FAT3: variants seen among roughly 807,000 people sequenced by gnomAD.
FAT3 encodes FAT atypical cadherin 3, also known as protocadherin Fat 3.
A neutral mutation model predicts 310.2 loss-of-function variants in FAT3; 95 were observed. The observed-to-expected ratio is 0.31, with a 90% CI of 0.26 to 0.36. FAT3 has a LOEUF of 0.36. Among genes scored for constraint, FAT3 ranks in the 10% least tolerant of loss-of-function variants. The pLI is 1.00. For missense variants in FAT3, 5,408 were observed against 5,715.6 expected (o/e 0.95, Z 1.74); for synonymous variants, 2,314 against 2,192.9 (o/e 1.06, Z -1.54).
At chr11:92,470,276 A>C (rs536048422) in intron 2 of FAT3, among the ~76,000 whole-genome samples, 25 of 152,318 alleles carry the variant, frequency 1.6e-4, no homozygotes, top group African/African-American at 5.5e-4. Context: ...ATTCTAGTGG[A>C]CTAGGCCATC....
At chr11:92,268,534 AC>A (rs1255858595) in intron 1 of FAT3, among the ~76,000 whole-genome samples, 2 of 152,020 alleles carry the variant, frequency 1.3e-5, no homozygotes, top group African/African-American at 2.4e-5. Flanking sequence ...TTCAAAATTA[AC>A]CCCCAACCTT....
intron 3 of FAT3, among the ~76,000 whole-genome samples, chr11:92,582,139 G>A (rs1938838025): frequency 6.6e-6 from 1 of 151,892 alleles, no homozygotes; most frequent in Non-Finnish European, 1.5e-5. Context: ...GAGTATAACA[G>A]TGAGGACAAC....
At position 92,314,360 on chromosome 11, in the gene FAT3, A is replaced by G. The variant is rs191902890; in HGVS notation, c.-17-37736A>G. ...AATTTGATAATTTTTACATTTGTAA[A>G]AAAACATATGAAGCCCCTCATTGCA... On this transcript the variant is annotated intron_variant, in intron 1 of 27. Coordinates refer to ENST00000525166, the MANE Select transcript of FAT3 (RefSeq NM_001367949.2). 7 of 868,042 alleles carry G rather than the reference A, an allele frequency of 8.1e-6. No individual in the cohort carries two copies. The Admixed American group carries it at 4.3e-4, about 54-fold the overall frequency. The allele number at this position is 868,042 out of a possible 1,614,324, so 53.8% of individuals were successfully genotyped here.
At chr11:92,609,292 A>G (rs996987811) in intron 3 of FAT3, among the ~76,000 whole-genome samples, 2 of 152,186 alleles carry the variant, frequency 1.3e-5, no homozygotes, top group African/African-American at 4.8e-5. Flanking sequence ...AAGTGCTTAC[A>G]GAGGCTCAAA....
chr11:92,882,588 C>CCG, intron 23 of FAT3, 150 bp from the exon 24 acceptor site: 1 of 523,300 alleles, frequency 1.9e-6, no homozygotes, highest in South Asian at 3.0e-5. Context: ...CTCCCCCTCC[C>CCG]CCCCCCCACC....
At chr11:92,296,359 A>T (rs992164353) in intron 1 of FAT3, among the ~76,000 whole-genome samples, 1 of 152,108 alleles carries the variant, frequency 6.6e-6, no homozygotes, top group Non-Finnish European at 1.5e-5. Flanking sequence ...GAAGTGGTGG[A>T]ATAATACATG....
intron 1 of FAT3, among the ~76,000 whole-genome samples, chr11:92,340,905 T>G (rs2134582146): frequency 6.6e-6 from 1 of 152,140 alleles, no homozygotes; most frequent in African/African-American, 2.4e-5. Flanking sequence ...TTGTCAAAAT[T>G]TGGGATGTGC....
Position 92,372,502 on chromosome 11 carries a change from C to T in FAT3, c.3292+17098C>T, listed in dbSNP as rs543113315. Among the ~76,000 whole-genome samples, 10 of 152,078 alleles carry T rather than the reference C, an allele frequency of 6.6e-5. No individual in the cohort carries two copies. The South Asian group carries it at 2.1e-3, about 32-fold the overall frequency. On this transcript the variant is annotated intron_variant, in intron 2 of 27. Transcript: ENST00000525166. Reference sequence around the variant, plus strand: ...ATTATGATGACCATCTGACAGGCTGCTCAACTACTTGGAAAACTGAAGTGT... The same window carrying T: ...ATTATGATGACCATCTGACAGGCTGTTCAACTACTTGGAAAACTGAAGTGT...
At chr11:92,747,758 G>A (rs563148146) in intron 4 of FAT3, among the ~76,000 whole-genome samples, 2 of 152,252 alleles carry the variant, frequency 1.3e-5, no homozygotes, top group African/African-American at 4.8e-5. Context: ...GACATCTAGG[G>A]CAGGGACAAA....
intron 2 of FAT3, among the ~76,000 whole-genome samples, chr11:92,383,958 AT>A (rs367685161): frequency 2.9e-4 from 44 of 150,226 alleles, no homozygotes; most frequent in Admixed American, 1.3e-3. Flanking sequence ...TGAACCCACA[AT>A]TTTTTTTTTG....
rs571141338 is a variant in FAT3 at position 92,404,100 on chromosome 11, A to G, written c.3292+48696A>G. 3.0e-4 allele frequency among the ~76,000 whole-genome samples: 45 copies of G among 152,260 alleles called. No homozygotes were observed. The South Asian group carries it at 8.7e-3, about 29-fold the overall frequency. Reference sequence around the variant, plus strand: ...GGGAAAAGTTGTATATCCTACCCTGAAGAGAAAAACAACTACAGGTTTTGG... The same window carrying G: ...GGGAAAAGTTGTATATCCTACCCTGGAGAGAAAAACAACTACAGGTTTTGG... On this transcript the variant is annotated intron_variant, in intron 2 of 27. Coordinates refer to ENST00000525166, the MANE Select transcript of FAT3 (RefSeq NM_001367949.2).
intron 2 of FAT3, among the ~76,000 whole-genome samples, chr11:92,481,866 T>C (rs142563087): frequency 2.1e-3 from 313 of 152,320 alleles, no homozygotes; most frequent in African/African-American, 7.2e-3. Flanking sequence ...ATCTTTAAAA[T>C]GGTAATAAAA....
intron 2 of FAT3, among the ~76,000 whole-genome samples, chr11:92,389,282 T>C (rs1438534279): frequency 2.7e-5 from 4 of 150,398 alleles, no homozygotes; most frequent in Non-Finnish European, 5.9e-5. Context: ...TTCTGGAAAC[T>C]AGGAAGTCTA....
chr11:92,798,150 A>T lies in FAT3; in HGVS notation c.5137A>T (p.Ile1713Phe), dbSNP rs555188732. The T allele has an allele frequency of 2.7e-5, 43 of 1,613,938 alleles. No homozygotes were observed. The African/African-American group carries it at 4.7e-4, about 18-fold the overall frequency. ...YEVKDGDING[I>F]FTINPYSGVI... ...AGTCAAAGATGGAGACATTAATGGG[A>T]TCTTTACCATAAATCCATATTCTGG... The change falls in exon 10 of 28, where the codon ATC becomes TTC. Residue 1713 changes from isoleucine to phenylalanine, a missense_variant. By Grantham distance (21) the Ile-to-Phe change is conservative. Around this residue, in one of 5 missense-constraint regions of FAT3, gnomAD observed 4,588 missense variants for 4,809.8 expected, o/e 0.95. Transcript: ENST00000525166.
intron 1 of FAT3, among the ~76,000 whole-genome samples, chr11:92,327,722 G>A (rs1219425963): frequency 6.6e-6 from 1 of 152,148 alleles, no homozygotes; most frequent in East Asian, 1.9e-4. Flanking sequence ...CATCCACTGG[G>A]TCTGCAAGTA....
At chr11:92,473,260 C>G (rs938116837) in intron 2 of FAT3, among the ~76,000 whole-genome samples, 3 of 152,124 alleles carry the variant, frequency 2.0e-5, no homozygotes, top group Non-Finnish European at 2.9e-5. Flanking sequence ...AGAGCAGGCA[C>G]TCAGTAAATG....
chr11:92,519,677 A>C (rs7128802), intron 2 of FAT3, among the ~76,000 whole-genome samples: 1 of 152,012 alleles, frequency 6.6e-6, no homozygotes, highest in Non-Finnish European at 1.5e-5. Flanking sequence ...CAAGAAAACA[A>C]CCCAAATTTA....
chr11:92,647,354 G>A (rs1320270161), intron 3 of FAT3, among the ~76,000 whole-genome samples: 1 of 152,090 alleles, frequency 6.6e-6, no homozygotes, highest in Non-Finnish European at 1.5e-5. Flanking sequence ...AACATTTGAG[G>A]AATGGACTCC....
At chr11:92,583,650 C>T (rs1293958098) in intron 3 of FAT3, among the ~76,000 whole-genome samples, 2 of 151,870 alleles carry the variant, frequency 1.3e-5, no homozygotes, top group African/African-American at 4.8e-5. Flanking sequence ...TTTACCCAGC[C>T]CTGCCTCTAA....
Sources: gnomAD v4.1 joint callset for allele counts (sites outside exome capture counted in the v4.1 genomes callset) on GRCh38, gnomAD v4.1.1 for gene constraint, gnomAD v4.1.1 regional missense constraint, MANE v1.5 for transcripts, NCBI Gene and HGNC (gene_info 2026-07-23, HGNC 2026-07-21) for gene names.